Variants in ADAM22 observed in about 807,000 individuals in gnomAD.
ADAM22 encodes the protein ADAM metallopeptidase domain 22, also known as disintegrin and metalloproteinase domain-containing protein 22.
A neutral mutation model predicts 144.6 loss-of-function variants in ADAM22; 65 were observed. The ratio of observed to expected loss-of-function variants is 0.45; its 90% CI spans 0.37 to 0.55. The LOEUF is 0.55. Among genes scored for constraint, ADAM22 ranks in the 20% least tolerant of loss-of-function variants. The pLI is 0.00. For synonymous variants in ADAM22, 391 were observed against 412.6 expected, an observed-to-expected ratio of 0.95 and a Z score of 0.63; for missense variants, 974 against 1,184.9, an observed-to-expected ratio of 0.82 and a Z score of 2.61.
intron 3 of ADAM22, among the ~76,000 whole-genome samples, chr7:87,994,342 T>C (rs1260281596): frequency 6.6e-6 from 1 of 152,086 alleles, no homozygotes; most frequent in Non-Finnish European, 1.5e-5. Flanking sequence ...TTATATTTTT[T>C]AGTAGACACG....
At chr7:87,942,553 T>C (rs1015300054) in intron 2 of ADAM22, among the ~76,000 whole-genome samples, 1 of 152,230 alleles carries the variant, frequency 6.6e-6, no homozygotes, top group African/African-American at 2.4e-5. Context: ...TGGAACTATA[T>C]ATGACTTTTA....
chr7:88,028,500 G>T (rs1321194551), intron 3 of ADAM22, among the ~76,000 whole-genome samples: 1 of 152,084 alleles, frequency 6.6e-6, no homozygotes. Context: ...AAGTCCATTT[G>T]TTCTATAATG....
chr7:88,020,980 G>T (rs1290727089), intron 3 of ADAM22, among the ~76,000 whole-genome samples: 1 of 152,056 alleles, frequency 6.6e-6, no homozygotes, highest in Admixed American at 6.6e-5. Context: ...CCCCTGAGAG[G>T]AACCACAATC....
At chr7:88,014,572 G>C (rs10228023) in intron 3 of ADAM22, among the ~76,000 whole-genome samples, 2 of 152,004 alleles carry the variant, frequency 1.3e-5, no homozygotes, top group South Asian at 2.1e-4. Flanking sequence ...GCAAAAACCC[G>C]TCTCTACTAA....
intron 27 of ADAM22, among the ~76,000 whole-genome samples, chr7:88,181,050 A>G (rs1846900299): frequency 6.6e-6 from 1 of 152,146 alleles, no homozygotes; most frequent in African/African-American, 2.4e-5. Context: ...ATAAATGTTA[A>G]CCAGGTTCAC....
intron 5 of ADAM22, among the ~76,000 whole-genome samples, chr7:88,113,099 G>GCATCC (rs1249910069): frequency 7.1e-6 from 1 of 141,138 alleles, no homozygotes; most frequent in East Asian, 2.0e-4. Flanking sequence ...AGTTCTTTCT[G>GCATCC]CATCCCCCCT....
chr7:88,171,207 C>A (rs1308596489), intron 25 of ADAM22, among the ~76,000 whole-genome samples: 4 of 151,742 alleles, frequency 2.6e-5, no homozygotes, highest in African/African-American at 9.7e-5. Flanking sequence ...TTCATTAAGT[C>A]AATGTATGTT....
intron 24 of ADAM22, among the ~76,000 whole-genome samples, chr7:88,167,673 C>T (rs1296153966): frequency 6.6e-6 from 1 of 152,152 alleles, no homozygotes; most frequent in African/African-American, 2.4e-5. Context: ...TGTTTTCTCC[C>T]TTAAGAAGCT....
At position 88,202,827 on chromosome 7, in the gene ADAM22, CTA is replaced by C. The variant is rs978510576; in HGVS notation, c.*6338_*6339del. On this transcript the variant is annotated 3_prime_UTR_variant, in exon 32 of 32. Transcript: ENST00000413139. ...GAAGCTAATAAGATACCATGGTTTT[CTA>C]TGTTACTCCCATTGTAACATTAGTA... The C allele has an allele frequency of 2.6e-5, 4 of 152,168 alleles. No homozygotes were observed. Among genetic ancestry groups the C allele is most frequent in the African/African-American group, 9.7e-5 (4 of 41,434 alleles). 9.4% of individuals were successfully genotyped at this position (152,168 alleles called of 1,614,324 possible). A position where few individuals can be genotyped will look rare whatever the true frequency, so the allele number is the denominator to read the frequency against.
In ADAM22 at chr7:88,201,051, G is replaced by A. The variant is rs1288785938; in HGVS notation, c.*4560G>A. The A allele has an allele frequency of 6.6e-6, 1 of 152,188 alleles. No homozygotes were observed. Among genetic ancestry groups the A allele is most frequent in the East Asian group, 1.9e-4 (1 of 5,198 alleles). The allele number at this position is 152,188 out of a possible 1,614,324, so 9.4% of individuals were successfully genotyped here. On this transcript the variant is annotated 3_prime_UTR_variant, in exon 32 of 32. Transcript: ENST00000413139. ...GGGGAGGTGCTTTTAATTCCAAGAG[G>A]AGCTTTTCTCCCACATCTGCGGATG... is the stretch of plus-strand genomic sequence containing the variant.
intron 3 of ADAM22, among the ~76,000 whole-genome samples, chr7:88,036,429 G>A (rs1358077646): frequency 6.6e-6 from 1 of 152,134 alleles, no homozygotes. Flanking sequence ...GAGTAAAGAT[G>A]TAAAATATTT....
intron 4 of ADAM22, among the ~76,000 whole-genome samples, chr7:88,101,395 G>T (rs1280203890): frequency 6.6e-6 from 1 of 152,124 alleles, no homozygotes; most frequent in Non-Finnish European, 1.5e-5. Context: ...GCAGGGGCGG[G>T]TGTTTGGATC....
intron 5 of ADAM22, among the ~76,000 whole-genome samples, chr7:88,112,773 T>A (rs1188009976): frequency 6.6e-6 from 1 of 152,184 alleles, no homozygotes; most frequent in Non-Finnish European, 1.5e-5. Context: ...AGTGGCACAA[T>A]CATCAATCAC....
intron 3 of ADAM22, among the ~76,000 whole-genome samples, chr7:88,039,464 A>AAAAAAAAAAAAAAAAAAAATATAT: frequency 1.3e-4 from 10 of 76,398 alleles, no homozygotes; most frequent in African/African-American, 1.9e-4. Context: ...AAAAAAAAAA[A>AAAAAAAAAAAAAAAAAAAATATAT]ATATATATAT....
Position 87,975,622 on chromosome 7 carries a change from A to T in ADAM22, c.247-2714A>T, listed in dbSNP as rs571547680. ...ACATAACTGAGATCAATAAAATAAG[A>T]TACCAGATGTAAAATGGAGCTGCAG... On this transcript the variant is annotated intron_variant, in intron 2 of 31. Transcript: ENST00000413139. Among the ~76,000 whole-genome samples, 14 of 152,362 alleles carry T rather than the reference A, an allele frequency of 9.2e-5. 1 individual carries two copies. The South Asian group carries it at 2.9e-3, about 32-fold the overall frequency.
chr7:88,105,122 A>G (rs1319853423), intron 4 of ADAM22, among the ~76,000 whole-genome samples: 1 of 152,222 alleles, frequency 6.6e-6, no homozygotes, highest in Admixed American at 6.6e-5. Flanking sequence ...GTAGTAATTT[A>G]TAAAATAGTA....
chr7:88,174,523 A>T (rs952000675), intron 26 of ADAM22, among the ~76,000 whole-genome samples: 1 of 152,202 alleles, frequency 6.6e-6, no homozygotes, highest in African/African-American at 2.4e-5. Flanking sequence ...TATTGTTTAT[A>T]TTATAGCACA....
In ADAM22 at chr7:88,200,228, G is replaced by A; in HGVS notation, c.*3737G>A. 1 of 152,204 alleles carries A rather than the reference G, an allele frequency of 6.6e-6. No individual in the cohort carries two copies. Among genetic ancestry groups the A allele is most frequent in the Non-Finnish European group, 1.5e-5 (1 of 68,018 alleles). The allele number at this position is 152,204 out of a possible 1,614,324, so 9.4% of individuals were successfully genotyped here. A position where few individuals can be genotyped will look rare whatever the true frequency, so the allele number is the denominator to read the frequency against. ...TCCATTCATTTCCTATTGTCGTATA[G>A]TTCTAACCATATATATAGTACTTTA... On this transcript the variant is annotated 3_prime_UTR_variant, in exon 32 of 32. Transcript: ENST00000413139.
chr7:88,000,690 C>T (rs1201515399), intron 3 of ADAM22, among the ~76,000 whole-genome samples: 1 of 152,120 alleles, frequency 6.6e-6, no homozygotes, highest in Non-Finnish European at 1.5e-5. Context: ...GCTTATATAA[C>T]ATTAATTCCT....
Sources: allele counts gnomAD v4.1 joint callset (sites outside exome capture counted in the v4.1 genomes callset), GRCh38; gene constraint gnomAD v4.1.1; transcripts MANE v1.5; gene names NCBI Gene and HGNC (gene_info 2026-07-23, HGNC 2026-07-21).